PDE12: variants seen among roughly 807,000 people sequenced by gnomAD.
The protein encoded by PDE12 is 2',5'-phosphodiesterase 12.
A neutral mutation model predicts 45.4 loss-of-function variants in PDE12; 26 were observed. The ratio of observed to expected loss-of-function variants is 0.57; its 90% CI spans 0.42 to 0.79. The LOEUF (loss-of-function observed/expected upper bound fraction) is 0.79, where lower values mean the gene tolerates loss of function less well. Among genes scored for constraint, PDE12 ranks in the 30% least tolerant of loss-of-function variants. The probability of loss-of-function intolerance (pLI) is 0.00; values close to 1 mark genes in which losing one functional copy is unlikely to be tolerated. For synonymous variants in PDE12, 283 were observed against 323.9 expected (o/e 0.87, Z 1.36); for missense variants, 668 against 790.0 (o/e 0.85, Z 1.85).
At chr3:57,605,131 A>G in the PDE12 span, among the ~76,000 whole-genome samples, 2 of 152,134 alleles carry the variant, frequency 1.3e-5, no homozygotes, top group African/African-American at 4.8e-5. Context: ...GAGCTGGGAG[A>G]TTGTCCCAGT....
chr3:57,628,443 GA>G, the PDE12 span: 1 of 1,438,776 alleles, frequency 7.0e-7, no homozygotes, highest in Non-Finnish European at 9.2e-7. Context: ...CTAACAATTA[GA>G]TACTTTCAGT....
At chr3:57,596,956 G>A in the PDE12 span, 17 of 1,122,408 alleles carry the variant, frequency 1.5e-5, no homozygotes, top group African/African-American at 1.3e-4. Flanking sequence ...TCCGACCCCC[G>A]ACCCGGCGCC....
At chr3:57,601,825 A>G in the PDE12 span, among the ~76,000 whole-genome samples, 15 of 145,664 alleles carry the variant, frequency 1.0e-4, no homozygotes, top group South Asian at 2.2e-4. Flanking sequence ...GCTCACTGCA[A>G]TCTCTGCCTC....
the PDE12 span, among the ~76,000 whole-genome samples, chr3:57,586,096 T>C: frequency 6.6e-6 from 1 of 152,176 alleles, no homozygotes; most frequent in Admixed American, 6.6e-5. Flanking sequence ...ATTAAATGCT[T>C]GTAAGTATGA....
chr3:57,568,560 T>C (rs995336206), downstream of PDE12, among the ~76,000 whole-genome samples: 2 of 151,342 alleles, frequency 1.3e-5, no homozygotes, highest in African/African-American at 4.9e-5. Context: ...GAGACACCAA[T>C]ACTCTCCACA....
At chr3:57,630,596 A>G in the PDE12 span, 9 of 1,525,022 alleles carry the variant, frequency 5.9e-6, no homozygotes, top group Middle Eastern at 1.8e-4. Context: ...TTTCCTAGTC[A>G]GAGAACCATG....
At chr3:57,639,079 C>T in the PDE12 span, among the ~76,000 whole-genome samples, 1 of 152,132 alleles carries the variant, frequency 6.6e-6, no homozygotes, top group Non-Finnish European at 1.5e-5. Context: ...GCCTGAGCAA[C>T]AGCACAAGAC....
Position 57,563,972 on chromosome 3 carries a change from T to A in PDE12, c.*3968T>A, listed in dbSNP as rs1256259104. ...ACTGACATGGGTAATATATAAGTTC[T>A]GTGTTCTCACTTTATATGAAAGTAC... On this transcript the variant is annotated 3_prime_UTR_variant, in exon 3 of 3. Coordinates refer to ENST00000311180, the MANE Select transcript of PDE12 (RefSeq NM_177966.7). The A allele has an allele frequency of 6.6e-6, 1 of 152,246 alleles. No individual in the cohort carries two copies. Among genetic ancestry groups the A allele is most frequent in the Non-Finnish European group, 1.5e-5 (1 of 68,038 alleles). The allele number at this position is 152,246 out of a possible 1,614,324, so 9.4% of individuals were successfully genotyped here.
the PDE12 span, among the ~76,000 whole-genome samples, chr3:57,574,024 C>T: frequency 6.6e-6 from 1 of 152,176 alleles, no homozygotes; most frequent in Non-Finnish European, 1.5e-5. Context: ...TCACTGCAAC[C>T]TCTGCTGCCT....
the PDE12 span, among the ~76,000 whole-genome samples, chr3:57,619,103 A>T: frequency 2.0e-5 from 3 of 152,250 alleles, no homozygotes; most frequent in Admixed American, 6.5e-5. Context: ...TAATCCCAGC[A>T]CTTTGAGAGG....
the PDE12 span, among the ~76,000 whole-genome samples, chr3:57,617,954 A>T: frequency 6.6e-6 from 1 of 152,162 alleles, no homozygotes; most frequent in East Asian, 1.9e-4. Flanking sequence ...ATATACCCAT[A>T]AAAAAGAACA....
At chr3:57,566,934 A>AG (rs1375377360), downstream of PDE12, 1 of 152,210 alleles carries the variant, frequency 6.6e-6, no homozygotes, top group Non-Finnish European at 1.5e-5. Flanking sequence ...CCTAAAAAAA[A>AG]GAAACACTGT....
Position 57,559,868 on chromosome 3 carries a change from T to C in PDE12, c.1694T>C (p.Ile565Thr). Residue 565 changes from isoleucine (I) to threonine (T), a missense_variant, in exon 3 of 3, where the codon ATT (isoleucine) becomes ACT (threonine). Ile to Thr is a moderately conservative substitution (Grantham distance 89). Transcript: ENST00000311180. ...CATGGATGTCTAGATTACATTTTCATTGACTTAAATGCTTTAGAGGTTGAA... is the reference window on the plus strand; with the variant it reads ...CATGGATGTCTAGATTACATTTTCACTGACTTAAATGCTTTAGAGGTTGAA... ...GFHGCLDYIF[I>T]DLNALEVEQV... The C allele has an allele frequency of 6.2e-7, 1 of 1,614,190 alleles. No individual in the cohort carries two copies. The highest frequency in any genetic ancestry group is 1.1e-5 in the South Asian group (1 of 91,088).
At chr3:57,598,717 G>A in the PDE12 span, among the ~76,000 whole-genome samples, 2 of 152,094 alleles carry the variant, frequency 1.3e-5, no homozygotes, top group Non-Finnish European at 1.5e-5. Flanking sequence ...GGAGGCGGAG[G>A]TTGCAGTGAG....
Position 57,557,589 on chromosome 3 carries a change from G to C in PDE12, c.1210G>C (p.Ala404Pro). ...LSQHDISFYE[A>P]LESDPLHKEL... Reference sequence around the variant, plus strand: ...CCAGCATGACATTTCATTCTACGAAGCCCTCGAGTCCGACCCACTTCACAA... The same window carrying C: ...CCAGCATGACATTTCATTCTACGAACCCCTCGAGTCCGACCCACTTCACAA... Residue 404 changes from alanine to proline, a missense_variant, in exon 1 of 3, where the codon GCC becomes CCC. Around this residue, in one of 3 missense-constraint regions of PDE12, gnomAD observed 580 missense variants for 662.9 expected, o/e 0.87. Coordinates refer to ENST00000311180, the MANE Select transcript of PDE12 (RefSeq NM_177966.7). 6.2e-7 allele frequency: 1 copy of C among 1,614,086 alleles called. No homozygotes were observed. The highest frequency in any genetic ancestry group is 8.5e-7 in the Non-Finnish European group (1 of 1,180,026).
chr3:57,592,725 C>A, the PDE12 span, among the ~76,000 whole-genome samples: 8 of 152,122 alleles, frequency 5.3e-5, no homozygotes, highest in South Asian at 2.1e-4. Flanking sequence ...TGGCATGAAA[C>A]AGGATTTTTG....
At chr3:57,584,060 C>A in the PDE12 span, 29 of 1,230,728 alleles carry the variant, frequency 2.4e-5, no homozygotes, top group Admixed American at 3.5e-4. Flanking sequence ...GAAAATAAAA[C>A]CTTTTATTGT....
the PDE12 span, among the ~76,000 whole-genome samples, chr3:57,592,290 A>T: frequency 6.6e-6 from 1 of 152,046 alleles, no homozygotes; most frequent in South Asian, 2.1e-4. Context: ...GGAGTTTGAG[A>T]CCAGCTTGAC....
At chr3:57,606,231 G>T in the PDE12 span, among the ~76,000 whole-genome samples, 1 of 152,126 alleles carries the variant, frequency 6.6e-6, no homozygotes, top group African/African-American at 2.4e-5. Context: ...AATCTTAAAA[G>T]CAGTCAGAGA....
Sources: gnomAD v4.1 joint callset for allele counts (sites outside exome capture counted in the v4.1 genomes callset) on GRCh38, gnomAD v4.1.1 for gene constraint, gnomAD v4.1.1 regional missense constraint, MANE v1.5 for transcripts, NCBI Gene and HGNC (gene_info 2026-07-23, HGNC 2026-07-21) for gene names.